Variants in TCP11 observed in about 807,000 individuals in gnomAD.
TCP11 encodes t-complex 11.
Under a neutral mutation model 45.0 loss-of-function variants are expected in TCP11, and 34 were observed. The observed-to-expected ratio is 0.76, with a 90% CI of 0.57 to 1.01. The LOEUF (loss-of-function observed/expected upper bound fraction) is 1.01, where lower values mean the gene tolerates loss of function less well. Among genes scored for constraint, TCP11 ranks in the 50% least tolerant of loss-of-function variants. The probability of loss-of-function intolerance (pLI) is 0.00; values close to 1 mark genes in which losing one functional copy is unlikely to be tolerated. For synonymous variants in TCP11, 227 were observed against 227.0 expected (o/e 1.00, Z 0.00); for missense variants, 523 against 598.1 (o/e 0.87, Z 1.31).
At chr6:35,119,439 A>C (rs772223564) in intron 8 of TCP11, 48 bp from the exon 9 acceptor site, 4 of 1,600,660 alleles carry the variant, frequency 2.5e-6, no homozygotes, top group South Asian at 1.1e-5. Flanking sequence ...TAACCCTGGC[A>C]TAGGCCCAGG....
intron 4 of TCP11, among the ~76,000 whole-genome samples, chr6:35,127,730 G>C (rs191683067): frequency 2.0e-5 from 3 of 152,344 alleles, no homozygotes; most frequent in African/African-American, 7.2e-5. Context: ...AGCGGCCAGT[G>C]ATGGATACAA....
intron 1 of TCP11, 49 bp downstream of exon 1, chr6:35,141,156 C>A (rs1781730626): frequency 1.5e-6 from 2 of 1,323,376 alleles, no homozygotes; most frequent in Non-Finnish European, 1.9e-6. Context: ...AGGTGCCCCC[C>A]TCGCCCGAAA....
intron 3 of TCP11, among the ~76,000 whole-genome samples, chr6:35,134,296 G>A: frequency 2.0e-5 from 1 of 49,350 alleles, no homozygotes; most frequent in South Asian, 6.3e-4. Flanking sequence ...TTTTTTTTTG[G>A]TTTTGTTTTG....
At chr6:35,127,600 C>G (rs182561972) in intron 4 of TCP11, among the ~76,000 whole-genome samples, 3 of 152,202 alleles carry the variant, frequency 2.0e-5, no homozygotes, top group African/African-American at 7.2e-5. Context: ...TTATATATGC[C>G]AACATTTTGT....
At chr6:35,137,816 T>A (rs1411557997) in intron 2 of TCP11, 2 of 455,796 alleles carry the variant, frequency 4.4e-6, no homozygotes, top group African/African-American at 4.0e-5. Flanking sequence ...GAGATGTAGA[T>A]GAACAAAGAT....
At chr6:35,130,154 A>C (rs1780238856) in intron 3 of TCP11, among the ~76,000 whole-genome samples, 2 of 152,206 alleles carry the variant, frequency 1.3e-5, no homozygotes, top group Admixed American at 6.5e-5. Context: ...TAAATACAAA[A>C]AAATAAAGAA....
chr6:35,118,620 T>C, intron 9 of TCP11, 119 bp from the exon 10 acceptor site: 2 of 820,658 alleles, frequency 2.4e-6, no homozygotes, highest in Admixed American at 2.9e-5. Flanking sequence ...CCTGCCCCCC[T>C]ACCTAGAGAT....
intron 2 of TCP11, among the ~76,000 whole-genome samples, chr6:35,138,667 T>G (rs995456634): frequency 6.6e-6 from 1 of 152,252 alleles, no homozygotes; most frequent in Admixed American, 6.5e-5. Context: ...TAAGATCTAG[T>G]ATTTGAGAGA....
chr6:35,136,269 C>A (rs1028966713), intron 2 of TCP11, 51 bp from the exon 3 acceptor site: 1 of 1,435,030 alleles, frequency 7.0e-7, no homozygotes, highest in Non-Finnish European at 9.7e-7. Context: ...CTATTTTATT[C>A]AGAGATTCAC....
chr6:35,139,896 A>C, intron 2 of TCP11: 1 of 1,050,518 alleles, frequency 9.5e-7, no homozygotes, highest in South Asian at 1.6e-5. Flanking sequence ...ACAAAATTTC[A>C]AATTTTTTTA....
Position 35,120,504 on chromosome 6 carries a change from G to A in TCP11, c.858C>T (p.Leu286=). ...PNEAANNPEP[L]SPTMVLCQGF... ...CCTGACACAGCACCATTGTGGGGCT[G>A]AGGGGCTCTGGGTTGTTGGCTGCCT... Residue 286 remains leucine, a synonymous_variant, in exon 7 of 10, where the codon CTC becomes CTT. Coordinates refer to ENST00000311875, the MANE Select transcript of TCP11 (RefSeq NM_001370687.1). This position sits in a 1 kb window ranked among gnomAD's most constrained non-coding sequence, Gnocchi z 4.9. 1 of 1,613,938 alleles carries A rather than the reference G, an allele frequency of 6.2e-7. No individual in the cohort carries two copies.
chr6:35,139,415 T>C (rs1192479315), intron 2 of TCP11, among the ~76,000 whole-genome samples: 2 of 152,188 alleles, frequency 1.3e-5, no homozygotes, highest in African/African-American at 4.8e-5. Flanking sequence ...TTACCAAAAA[T>C]CCACTGAGTC....
At chr6:35,118,816 G>A (rs1778914230) in intron 9 of TCP11, among the ~76,000 whole-genome samples, 1 of 152,174 alleles carries the variant, frequency 6.6e-6, no homozygotes, top group Admixed American at 6.5e-5. Flanking sequence ...CTAAGGTTAG[G>A]AGCAGGCTGG....
At chr6:35,130,297 T>G (rs1780254327) in intron 3 of TCP11, among the ~76,000 whole-genome samples, 2 of 152,202 alleles carry the variant, frequency 1.3e-5, no homozygotes, top group Non-Finnish European at 2.9e-5. Context: ...AGTTTGGTGA[T>G]GACCTTTTAG....
At chr6:35,126,740 C>T (rs1779870861) in intron 4 of TCP11, among the ~76,000 whole-genome samples, 1 of 144,706 alleles carries the variant, frequency 6.9e-6, no homozygotes, top group African/African-American at 2.6e-5. Context: ...CTCACTGCAA[C>T]CTGTGCCTCT....
rs147549679 is a variant in TCP11 at position 35,129,156 on chromosome 6, A to G, written c.263T>C (p.Val88Ala). The G allele has an allele frequency of 4.5e-4, 730 of 1,614,104 alleles. 1 individual carries two copies. Among genetic ancestry groups the G allele is most frequent in the South Asian group, 8.2e-4 (75 of 91,070 alleles). The change falls in exon 4 of 10, where the codon GTG becomes GCG. Residue 88 changes from valine (V) to alanine (A), a missense_variant. This residue lies in a region of TCP11 where 225 missense variants were observed against 210.2 expected (regional missense o/e 1.07). Coordinates refer to ENST00000311875, the MANE Select transcript of TCP11 (RefSeq NM_001370687.1). ...SSLEGKVKET[V>A]HNAFWDHLKE... Reference sequence around the variant, plus strand: ...AAGATGGTCCCAAAAGGCATTGTGCACTGTCTCCTTGACCTTGCCTTCCAG... The same window carrying G: ...AAGATGGTCCCAAAAGGCATTGTGCGCTGTCTCCTTGACCTTGCCTTCCAG...
At chr6:35,122,426 G>C in intron 4 of TCP11, 89 bp from the exon 5 acceptor site, 7 of 1,193,096 alleles carry the variant, frequency 5.9e-6, no homozygotes, top group African/African-American at 1.5e-5. Context: ...AGACATACCA[G>C]CCTATGTTTT....
chr6:35,125,271 G>A (rs866535345), intron 4 of TCP11, among the ~76,000 whole-genome samples: 1 of 151,856 alleles, frequency 6.6e-6, no homozygotes, highest in African/African-American at 2.4e-5. Context: ...AAACATAGGT[G>A]TAAATATTCA....
chr6:35,140,797 G>A lies in TCP11; in HGVS notation c.74C>T (p.Thr25Ile). 7 of 1,538,712 alleles carry A rather than the reference G, an allele frequency of 4.5e-6. No homozygotes were observed. Among genetic ancestry groups the A allele is most frequent in the Non-Finnish European group, 6.1e-6 (7 of 1,148,438 alleles). The change falls in exon 2 of 10, where the codon ACC (threonine) becomes ATC (isoleucine). Residue 25 changes from threonine to isoleucine, a missense_variant. Thr to Ile is a moderately conservative substitution (Grantham distance 89). This residue lies in a region of TCP11 where 225 missense variants were observed against 210.2 expected (regional missense o/e 1.07). Coordinates refer to ENST00000311875, the MANE Select transcript of TCP11 (RefSeq NM_001370687.1). ...CTTGTCTTCCTGGGGGGGTCCTGAG[G>A]TTTCGGGCTTACAGGACCTGCCCTC... ...DSEGRSCKPE[T>I]SGPPQEDKSG...
Sources: allele counts gnomAD v4.1 joint callset (sites outside exome capture counted in the v4.1 genomes callset), GRCh38; gene constraint gnomAD v4.1.1; regional missense constraint gnomAD v4.1.1; non-coding constraint Gnocchi (gnomAD v3.1); transcripts MANE v1.5; gene names NCBI Gene and HGNC (gene_info 2026-07-23, HGNC 2026-07-21).